AMMECR1L: variants seen among roughly 807,000 people sequenced by gnomAD.
AMMECR1L encodes AMMECR1 like.
AMMECR1L carries 4 observed loss-of-function variants against 36.8 expected under a neutral mutation model. That is an observed-to-expected ratio of 0.11 (90% CI 0.05 to 0.25). The LOEUF (loss-of-function observed/expected upper bound fraction) is 0.25. Ranked by LOEUF, AMMECR1L falls within the 10% of genes least tolerant of loss-of-function variation. The pLI is 1.00. For missense variants in AMMECR1L, 232 were observed against 392.1 expected, an observed-to-expected ratio of 0.59 and a Z score of 3.45; for synonymous variants, 147 against 148.0, an observed-to-expected ratio of 0.99 and a Z score of 0.05.
chr2:127,876,926 A>G (rs1277800710), intron 2 of AMMECR1L, among the ~76,000 whole-genome samples: 1 of 151,846 alleles, frequency 6.6e-6, no homozygotes, highest in Admixed American at 6.6e-5. Context: ...CTGAGACAGG[A>G]GAATCACTTG....
At chr2:127,877,981 C>A (rs1292593473) in intron 2 of AMMECR1L, among the ~76,000 whole-genome samples, 2 of 152,056 alleles carry the variant, frequency 1.3e-5, no homozygotes, top group Admixed American at 6.6e-5. Context: ...TCCCCTTGAG[C>A]CCAGGAGGTT....
rs959456754 is a variant in AMMECR1L at position 127,861,942 on chromosome 2, T to C, written c.*3152A>G. The C allele has an allele frequency of 6.5e-6, 1 of 152,688 alleles. No homozygotes were observed. Among genetic ancestry groups the C allele is most frequent in the Non-Finnish European group, 1.5e-5 (1 of 68,046 alleles). 9.5% of individuals were successfully genotyped at this position (152,688 alleles called of 1,614,324 possible). ...ACACCCAGGACTTCTTTTGTATAGATGATTTTTATTATAAACAATAAAATA... is the reference window on the plus strand; with the variant it reads ...ACACCCAGGACTTCTTTTGTATAGACGATTTTTATTATAAACAATAAAATA... On this transcript the variant is annotated 3_prime_UTR_variant, in exon 8 of 8. Coordinates refer to ENST00000272647, the MANE Select transcript of AMMECR1L (RefSeq NM_001199140.2).
intron 6 of AMMECR1L, among the ~76,000 whole-genome samples, chr2:127,868,608 C>T (rs957057239): frequency 6.6e-6 from 1 of 152,142 alleles, no homozygotes; most frequent in African/African-American, 2.4e-5. Flanking sequence ...AACTGCACTA[C>T]GTATCACAGA....
chr2:127,866,782 C>A (rs1690704944), intron 7 of AMMECR1L, 118 bp downstream of exon 7: 1 of 995,936 alleles, frequency 1.0e-6, no homozygotes, highest in Non-Finnish European at 1.5e-6. Flanking sequence ...GAACTTCACC[C>A]ACACTTCTTT....
chr2:127,874,618 GACTCATC>G lies in AMMECR1L; in HGVS notation c.-38-353_-38-347del, dbSNP rs1385795142. 6.6e-6 allele frequency among the ~76,000 whole-genome samples: 1 copy of G among 152,190 alleles called. No individual in the cohort carries two copies. Among genetic ancestry groups the G allele is most frequent in the Non-Finnish European group, 1.5e-5 (1 of 68,020 alleles). On this transcript the variant is annotated intron_variant, in intron 2 of 7. Coordinates refer to ENST00000272647, the MANE Select transcript of AMMECR1L (RefSeq NM_001199140.2). This position sits in a 1 kb window ranked among gnomAD's most constrained non-coding sequence, Gnocchi z 5.2. ...CTGGAGGGCTGCGCACGACCTGTCA[GACTCATC>G]ATCATGATGTCTCTACCTTTTTTAG...
chr2:127,879,046 T>C (rs1423848571), intron 2 of AMMECR1L, among the ~76,000 whole-genome samples: 1 of 152,230 alleles, frequency 6.6e-6, no homozygotes, highest in African/African-American at 2.4e-5. Flanking sequence ...TATACCTCTG[T>C]GCATTACCTA....
rs1558995306 is a variant in AMMECR1L at position 127,873,818 on chromosome 2, A to G, written c.407+10T>C. The G allele has an allele frequency of 6.2e-7, 1 of 1,613,790 alleles. No homozygotes were observed. Among genetic ancestry groups the G allele is most frequent in the East Asian group, 2.2e-5 (1 of 44,882 alleles). On this transcript the variant is annotated intron_variant, in intron 3 of 7. Coordinates refer to ENST00000272647, the MANE Select transcript of AMMECR1L (RefSeq NM_001199140.2). The surrounding 1 kb of genome is among the most constrained non-coding windows in gnomAD (Gnocchi z 5.2). ...CCTTCCTCAGTGCCCCCAGCACATG[A>G]TTTACTCACTAGGGGTCATTGGTGA...
chr2:127,874,067 G>A lies in AMMECR1L; in HGVS notation c.168C>T (p.Asp56=). 1 of 1,614,248 alleles carries A rather than the reference G, an allele frequency of 6.2e-7. No homozygotes were observed. Among genetic ancestry groups the A allele is most frequent in the Non-Finnish European group, 8.5e-7 (1 of 1,180,046 alleles). Residue 56 remains aspartate (D), a synonymous_variant, in exon 3 of 8, where the codon GAC becomes GAT. Transcript: ENST00000272647. The surrounding 1 kb of genome is among the most constrained non-coding windows in gnomAD (Gnocchi z 5.2). ...ACACATTCTCCCGTCCACTGCTGCT[G>A]TCCACATGCTGGTGGTTTTGAAGAG... is the stretch of plus-strand genomic sequence containing the variant. ...SGPLQNHQHV[D]SSSGRENVSD...
chr2:127,867,087 C>A, intron 6 of AMMECR1L, 91 bp from the exon 7 acceptor site: 1 of 1,568,832 alleles, frequency 6.4e-7, no homozygotes, highest in Non-Finnish European at 8.6e-7. Flanking sequence ...AAATGGGACT[C>A]GAGAAGCAGC....
In AMMECR1L at chr2:127,869,611, A is replaced by T; in HGVS notation, c.634-67T>A. 7.7e-7 allele frequency: 1 copy of T among 1,290,566 alleles called. No individual in the cohort carries two copies. Among genetic ancestry groups the T allele is most frequent in the Admixed American group, 1.7e-5 (1 of 59,254 alleles). The allele number at this position is 1,290,566 out of a possible 1,614,324, so 79.9% of individuals were successfully genotyped here. On this transcript the variant is annotated intron_variant, in intron 5 of 7. Coordinates refer to ENST00000272647, the MANE Select transcript of AMMECR1L (RefSeq NM_001199140.2). The surrounding 1 kb of genome is among the most constrained non-coding windows in gnomAD (Gnocchi z 4.7). ...TCTAATGGAACTTCAGTCCCCACAT[A>T]TAAATCAACATTGTTCCCTGACCAG...
At position 127,880,355 on chromosome 2, in the gene AMMECR1L, C is replaced by T. The variant is rs963580463; in HGVS notation, c.-39+3848G>A. 5.3e-5 allele frequency among the ~76,000 whole-genome samples: 8 copies of T among 152,202 alleles called. No homozygotes were observed. In the South Asian group the frequency reaches 1.4e-3, roughly 28 times the overall value. ...AAACTAGGTTTCCACCAGATGGAAA[C>T]AATACTCATACCTCAACAAAAAGCT... On this transcript the variant is annotated intron_variant, in intron 2 of 7. Transcript: ENST00000272647.
chr2:127,872,974 T>A (rs1573548697), intron 3 of AMMECR1L: 1 of 982,184 alleles, frequency 1.0e-6, no homozygotes, highest in Non-Finnish European at 1.2e-6. Flanking sequence ...TGTGCGTGTG[T>A]GATTTGCCAA....
At chr2:127,881,716 C>T (rs935897557) in intron 2 of AMMECR1L, among the ~76,000 whole-genome samples, 2 of 152,290 alleles carry the variant, frequency 1.3e-5, no homozygotes, top group Non-Finnish European at 1.5e-5. Context: ...ATAAAAGTAG[C>T]GTTGGTTATA....
At chr2:127,880,130 C>T (rs1691426395) in intron 2 of AMMECR1L, among the ~76,000 whole-genome samples, 1 of 152,148 alleles carries the variant, frequency 6.6e-6, no homozygotes, top group Admixed American at 6.6e-5. Context: ...CAGTAAGATC[C>T]CATTCTCCAC....
rs1320699925 is a variant in AMMECR1L, at chr2:127,871,517, G to T, written c.408-158C>A. 6.6e-6 allele frequency among the ~76,000 whole-genome samples: 1 copy of T among 152,126 alleles called. No homozygotes were observed. ...AAGGACTCTCTGCCTTTCTGAAAAC[G>T]GCACAGCCCCTGGCTGGAAACGGGA... On this transcript the variant is annotated intron_variant, in intron 3 of 7. Transcript: ENST00000272647. The surrounding 1 kb of genome is among the most constrained non-coding windows in gnomAD (Gnocchi z 4.3).
rs562859231 is a variant in AMMECR1L, at chr2:127,871,538, C to T, written c.408-179G>A. Among the ~76,000 whole-genome samples the T allele has an allele frequency of 3.9e-5, 6 of 152,290 alleles. No individual in the cohort carries two copies. The South Asian group carries it at 1.0e-3, about 26-fold the overall frequency. On this transcript the variant is annotated intron_variant, in intron 3 of 7. Coordinates refer to ENST00000272647, the MANE Select transcript of AMMECR1L (RefSeq NM_001199140.2). This position sits in a 1 kb window ranked among gnomAD's most constrained non-coding sequence, Gnocchi z 4.3. ...AAACGGCACAGCCCCTGGCTGGAAA[C>T]GGGAAACCTACAAGGCAGCATAAGG...
At chr2:127,884,069 T>TA (rs1314761413) in intron 2 of AMMECR1L, 134 bp downstream of exon 2, 3 of 152,170 alleles carry the variant, frequency 2.0e-5, no homozygotes, top group African/African-American at 7.2e-5. Context: ...AAAAACTTCA[T>TA]CAACATTAGG....
chr2:127,872,097 GA>G (rs1406886696), intron 3 of AMMECR1L, among the ~76,000 whole-genome samples: 1 of 149,774 alleles, frequency 6.7e-6, no homozygotes, highest in Non-Finnish European at 1.5e-5. Flanking sequence ...GCTGAGGTGG[GA>G]GAATCACTTG....
At chr2:127,879,788 T>C (rs142856940) in intron 2 of AMMECR1L, among the ~76,000 whole-genome samples, 1 of 152,320 alleles carries the variant, frequency 6.6e-6, no homozygotes, top group East Asian at 1.9e-4. Flanking sequence ...CACCTGGTCC[T>C]CCAGCAGCCC....
Sources: gnomAD v4.1 joint callset for allele counts (sites outside exome capture counted in the v4.1 genomes callset) on GRCh38, gnomAD v4.1.1 for gene constraint, Gnocchi (gnomAD v3.1) non-coding constraint, MANE v1.5 for transcripts, NCBI Gene and HGNC (gene_info 2026-07-23, HGNC 2026-07-21) for gene names.